Variants in PLEKHB2 observed in about 807,000 individuals in gnomAD.
PLEKHB2 encodes the protein pleckstrin homology domain-containing family B member 2.
PLEKHB2 carries 31 observed loss-of-function variants against 36.5 expected under a neutral mutation model. The ratio of observed to expected loss-of-function variants is 0.85; its 90% CI spans 0.64 to 1.15. The LOEUF is 1.15. Ranked by LOEUF, PLEKHB2 falls within the 50% of genes most tolerant of loss-of-function variation. The pLI, the probability that PLEKHB2 is intolerant of heterozygous loss-of-function variation, is 0.00. For missense variants in PLEKHB2, 262 were observed against 295.3 expected (o/e 0.89, Z 0.83); for synonymous variants, 119 against 112.0 (o/e 1.06, Z -0.39).
chr2:131,131,424 G>A (rs1277750803), intron 5 of PLEKHB2, among the ~76,000 whole-genome samples: 2 of 152,162 alleles, frequency 1.3e-5, no homozygotes, highest in African/African-American at 2.4e-5. Flanking sequence ...ACTTGTACTT[G>A]TCTCTCGTCC....
At position 131,125,898 on chromosome 2, in the gene PLEKHB2, A is replaced by G; in HGVS notation, c.183A>G (p.Glu61=). 4 of 1,612,584 alleles carry G rather than the reference A, an allele frequency of 2.5e-6. No individual in the cohort carries two copies. The South Asian group carries it at 4.4e-5, about 18-fold the overall frequency. ...MDCINIRTGQ[E]CRDTQPPDGK... is the part of the protein sequence containing the mutation. ...GCATCAACATCCGCACGGGGCAGGA[A>G]TGTCGGGGTAAGCTGGCCTGTCTTG... The change falls in exon 3 of 8, where the codon GAA becomes GAG. Residue 61 remains glutamate (E), a synonymous_variant. Coordinates refer to ENST00000693505, the MANE Select transcript of PLEKHB2 (RefSeq NM_001100623.2).
At chr2:131,138,165 G>T (rs1370502066) in intron 6 of PLEKHB2, among the ~76,000 whole-genome samples, 1 of 150,532 alleles carries the variant, frequency 6.6e-6, no homozygotes, top group Admixed American at 6.6e-5. Flanking sequence ...TATTTAAATT[G>T]GTTATTGTAT....
At chr2:131,144,946 T>C (rs1699135570) in intron 7 of PLEKHB2, among the ~76,000 whole-genome samples, 1 of 152,234 alleles carries the variant, frequency 6.6e-6, no homozygotes, top group Non-Finnish European at 1.5e-5. Context: ...AATTCCCTAG[T>C]TTTGAAATTT....
chr2:131,114,866 C>T (rs1302976006), intron 1 of PLEKHB2, among the ~76,000 whole-genome samples: 1 of 152,212 alleles, frequency 6.6e-6, no homozygotes, highest in African/African-American at 2.4e-5. Context: ...CTGTCTTCTT[C>T]TGAGCCCTCC....
At chr2:131,143,845 A>G (rs933776782) in intron 7 of PLEKHB2, among the ~76,000 whole-genome samples, 11 of 152,294 alleles carry the variant, frequency 7.2e-5, no homozygotes, top group African/African-American at 2.2e-4. Context: ...TTCTTACTGT[A>G]TAGAGAGCAC....
At chr2:131,144,529 T>C in intron 7 of PLEKHB2, 1 of 523,034 alleles carries the variant, frequency 1.9e-6, no homozygotes, top group Non-Finnish European at 2.9e-6. Flanking sequence ...CTTAATTCCC[T>C]GATTTGATGG....
At chr2:131,136,928 T>C (rs1029327790) in intron 6 of PLEKHB2, among the ~76,000 whole-genome samples, 1 of 151,330 alleles carries the variant, frequency 6.6e-6, no homozygotes, top group African/African-American at 2.4e-5. Context: ...ATCTTTTTTC[T>C]TTTTTTCTTT....
At chr2:131,129,356 A>C (rs1423476810) in intron 4 of PLEKHB2, among the ~76,000 whole-genome samples, 1 of 149,132 alleles carries the variant, frequency 6.7e-6, no homozygotes, top group Non-Finnish European at 1.5e-5. Flanking sequence ...AAAAAAAGAA[A>C]GCCAGAACAC....
chr2:131,113,224 G>C (rs1450790798), intron 1 of PLEKHB2, among the ~76,000 whole-genome samples: 1 of 152,066 alleles, frequency 6.6e-6, no homozygotes, highest in Non-Finnish European at 1.5e-5. Flanking sequence ...TGGGACTACA[G>C]GTGTGTGCCA....
At chr2:131,118,167 C>CCGG (rs1474982508) in intron 1 of PLEKHB2, among the ~76,000 whole-genome samples, 5 of 152,136 alleles carry the variant, frequency 3.3e-5, no homozygotes, top group Non-Finnish European at 7.3e-5. Context: ...CAGAAGGTGG[C>CCGG]TGCCAGCACA....
At chr2:131,124,161 C>T (rs1289439815) in intron 2 of PLEKHB2, among the ~76,000 whole-genome samples, 1 of 151,882 alleles carries the variant, frequency 6.6e-6, no homozygotes, top group Non-Finnish European at 1.5e-5. Context: ...GTAGTTTCTG[C>T]ACAGCTCAGG....
intron 6 of PLEKHB2, among the ~76,000 whole-genome samples, chr2:131,134,463 G>A (rs944933864): frequency 3.9e-5 from 6 of 152,064 alleles, no homozygotes; most frequent in African/African-American, 1.2e-4. Flanking sequence ...TTATAGTGAG[G>A]TTTTATAATT....
At chr2:131,113,007 A>G (rs1695480572) in intron 1 of PLEKHB2, among the ~76,000 whole-genome samples, 2 of 152,034 alleles carry the variant, frequency 1.3e-5, no homozygotes, top group African/African-American at 4.8e-5. Context: ...TGAGCCCTCA[A>G]CCTGTGGGAT....
intron 4 of PLEKHB2, among the ~76,000 whole-genome samples, chr2:131,128,518 G>T (rs1271116836): frequency 6.6e-6 from 1 of 152,130 alleles, no homozygotes; most frequent in African/African-American, 2.4e-5. Flanking sequence ...TTCATCATCT[G>T]CTTTCATTAG....
intron 1 of PLEKHB2, among the ~76,000 whole-genome samples, chr2:131,120,024 A>G (rs956090649): frequency 2.0e-5 from 3 of 147,266 alleles, no homozygotes; most frequent in Admixed American, 1.4e-4. Flanking sequence ...GCTGGAGTGC[A>G]GTGGTGCAAT....
At chr2:131,133,672 A>G (rs1697944737) in intron 6 of PLEKHB2, among the ~76,000 whole-genome samples, 1 of 152,200 alleles carries the variant, frequency 6.6e-6, no homozygotes, top group Non-Finnish European at 1.5e-5. Flanking sequence ...ATTCTTCACA[A>G]AATCTTCCTG....
intron 7 of PLEKHB2, among the ~76,000 whole-genome samples, chr2:131,141,565 G>C (rs887886787): frequency 6.6e-6 from 1 of 151,420 alleles, no homozygotes; most frequent in African/African-American, 2.4e-5. Flanking sequence ...GCATGAACCC[G>C]GGAGGCGGAG....
chr2:131,131,629 A>C (rs1261175967), intron 5 of PLEKHB2, among the ~76,000 whole-genome samples: 1 of 152,184 alleles, frequency 6.6e-6, no homozygotes, highest in Non-Finnish European at 1.5e-5. Context: ...GAATGTGTGC[A>C]TGTGGGAGAA....
intron 1 of PLEKHB2, among the ~76,000 whole-genome samples, chr2:131,113,087 ATTT>A (rs11292569): frequency 5.5e-5 from 8 of 146,334 alleles, no homozygotes; most frequent in African/African-American, 1.5e-4. Flanking sequence ...TCGCTGAAGA[ATTT>A]TTTTTTTTTT....
Sources: allele counts gnomAD v4.1 joint callset (sites outside exome capture counted in the v4.1 genomes callset), GRCh38; gene constraint gnomAD v4.1.1; transcripts MANE v1.5; gene names NCBI Gene and HGNC (gene_info 2026-07-23, HGNC 2026-07-21).